The following LRMDA variants were observed in gnomAD, a reference collection of about 807,000 sequenced individuals.
LRMDA encodes leucine rich melanocyte differentiation associated, also known as leucine-rich melanocyte differentiation-associated protein.
A neutral mutation model predicts 29.8 loss-of-function variants in LRMDA; 18 were observed. The observed-to-expected ratio is 0.60, with a 90% confidence interval of 0.42 to 0.90. LRMDA has a LOEUF of 0.90. LRMDA is among the 40% of genes least tolerant of loss of function. The probability of loss-of-function intolerance (pLI) is 0.00; values close to 1 mark genes in which losing one functional copy is unlikely to be tolerated. For missense variants in LRMDA, 273 were observed against 273.9 expected, an observed-to-expected ratio of 1.00 and a Z score of 0.02; for synonymous variants, 125 against 109.4, an observed-to-expected ratio of 1.14 and a Z score of -0.89.
chr10:76,520,871 C>G (rs1843111264), intron 6 of LRMDA, among the ~76,000 whole-genome samples: 1 of 152,080 alleles, frequency 6.6e-6, no homozygotes. Flanking sequence ...CATGAAGCTT[C>G]TTTTAGTATA....
chr10:75,887,641 T>C (rs1202590416), intron 2 of LRMDA, among the ~76,000 whole-genome samples: 2 of 152,204 alleles, frequency 1.3e-5, no homozygotes, highest in African/African-American at 4.8e-5. Context: ...CAGATTTGTG[T>C]CATTGTGACA....
chr10:75,592,448 C>T (rs1424760555), intron 2 of LRMDA, among the ~76,000 whole-genome samples: 1 of 152,208 alleles, frequency 6.6e-6, no homozygotes, highest in Non-Finnish European at 1.5e-5. Context: ...AGAGGACGTG[C>T]AAAGTATAGG....
intron 5 of LRMDA, among the ~76,000 whole-genome samples, chr10:76,287,745 A>T (rs1166312776): frequency 6.6e-6 from 1 of 152,194 alleles, no homozygotes; most frequent in Non-Finnish European, 1.5e-5. Flanking sequence ...TGCTAAAAAT[A>T]AAATTCTGTT....
intron 5 of LRMDA, among the ~76,000 whole-genome samples, chr10:76,114,209 A>C (rs1014739702): frequency 6.6e-6 from 1 of 152,176 alleles, no homozygotes; most frequent in Non-Finnish European, 1.5e-5. Context: ...TTGTTAACAA[A>C]ACTTTTCTAA....
At chr10:76,232,585 A>G (rs1355317830) in intron 5 of LRMDA, among the ~76,000 whole-genome samples, 1 of 152,240 alleles carries the variant, frequency 6.6e-6, no homozygotes. Flanking sequence ...ACCTCTGGCC[A>G]GCGATGCCCT....
intron 2 of LRMDA, among the ~76,000 whole-genome samples, chr10:75,631,517 T>TG (rs1214774572): frequency 1.4e-4 from 21 of 151,888 alleles, no homozygotes; most frequent in African/African-American, 2.9e-4. Context: ...CCATTTTTGA[T>TG]GGGGGGGAAA....
intron 2 of LRMDA, among the ~76,000 whole-genome samples, chr10:75,769,025 C>T (rs925471217): frequency 3.3e-5 from 5 of 152,166 alleles, no homozygotes; most frequent in African/African-American, 9.7e-5. Context: ...GGAGCTGGAA[C>T]CCATCAGAGA....
At chr10:75,582,527 C>T (rs1415605456) in intron 2 of LRMDA, among the ~76,000 whole-genome samples, 1 of 152,190 alleles carries the variant, frequency 6.6e-6, no homozygotes, top group African/African-American at 2.4e-5. Context: ...GGCAGGGTAG[C>T]AGGGGGCCTT....
chr10:75,921,857 C>T (rs1286661913), intron 2 of LRMDA, among the ~76,000 whole-genome samples: 2 of 152,184 alleles, frequency 1.3e-5, no homozygotes, highest in East Asian at 1.9e-4. Context: ...CTGATCCTTC[C>T]TGGCATTTAA....
At chr10:75,743,265 C>T (rs765263269) in intron 2 of LRMDA, among the ~76,000 whole-genome samples, 1 of 152,042 alleles carries the variant, frequency 6.6e-6, no homozygotes, top group Non-Finnish European at 1.5e-5. Context: ...TCAGTTAATC[C>T]GAATTACTGA....
At chr10:76,080,701 C>T (rs1564647542) in intron 5 of LRMDA, among the ~76,000 whole-genome samples, 2 of 152,208 alleles carry the variant, frequency 1.3e-5, no homozygotes, top group Non-Finnish European at 2.9e-5. Context: ...CACCTTGTAA[C>T]ATTCAAAAGG....
chr10:76,179,590 T>C (rs1851006334), intron 5 of LRMDA, among the ~76,000 whole-genome samples: 1 of 152,184 alleles, frequency 6.6e-6, no homozygotes, highest in South Asian at 2.1e-4. Flanking sequence ...CAAGGGATTA[T>C]AAAGACCATC....
At chr10:75,970,942 C>T (rs959490881) in intron 2 of LRMDA, among the ~76,000 whole-genome samples, 1 of 152,060 alleles carries the variant, frequency 6.6e-6, no homozygotes, top group African/African-American at 2.4e-5. Context: ...TCTAAATAAC[C>T]TGAGAAGGTA....
chr10:75,791,424 T>C (rs1843563094), intron 2 of LRMDA, among the ~76,000 whole-genome samples: 1 of 152,214 alleles, frequency 6.6e-6, no homozygotes, highest in Admixed American at 6.5e-5. Context: ...ATCATTATTT[T>C]TTAATAAAGC....
At chr10:76,262,839 C>T (rs1364264351) in intron 5 of LRMDA, among the ~76,000 whole-genome samples, 2 of 152,234 alleles carry the variant, frequency 1.3e-5, no homozygotes, top group African/African-American at 4.8e-5. Flanking sequence ...TTGTGACACT[C>T]TGTTTCCACA....
chr10:75,663,180 T>C (rs1841776914), intron 2 of LRMDA, among the ~76,000 whole-genome samples: 1 of 152,178 alleles, frequency 6.6e-6, no homozygotes, highest in Non-Finnish European at 1.5e-5. Flanking sequence ...TAGAGGACTC[T>C]TAGGGCAGGG....
chr10:75,816,301 G>A (rs547662190), intron 2 of LRMDA, among the ~76,000 whole-genome samples: 49 of 152,274 alleles, frequency 3.2e-4, no homozygotes, highest in Middle Eastern at 3.4e-3. Flanking sequence ...CTAGAACTCT[G>A]GGAGAGCTAA....
intron 2 of LRMDA, among the ~76,000 whole-genome samples, chr10:75,539,942 C>G (rs1039551490): frequency 4.6e-5 from 7 of 152,124 alleles, no homozygotes; most frequent in African/African-American, 1.7e-4. Context: ...ATTAGCTTAT[C>G]AGCACCCAGG....
chr10:75,642,611 TGGAAA>T (rs1564529091), intron 2 of LRMDA: 2 of 152,202 alleles, frequency 1.3e-5, no homozygotes, highest in Admixed American at 1.3e-4. Flanking sequence ...TGAAGGGCAG[TGGAAA>T]CCTCTGCTGA....
Sources: allele counts gnomAD v4.1 joint callset (sites outside exome capture counted in the v4.1 genomes callset), GRCh38; gene constraint gnomAD v4.1.1; transcripts MANE v1.5; gene names NCBI Gene and HGNC (gene_info 2026-07-23, HGNC 2026-07-21).